PARP6: variants seen among roughly 807,000 people sequenced by gnomAD.
PARP6 encodes the protein poly(ADP-ribose) polymerase family member 6.
A neutral mutation model predicts 92.0 loss-of-function variants in PARP6; 27 were observed. The ratio of observed to expected loss-of-function variants is 0.29; its 90% CI spans 0.22 to 0.40. PARP6 has a LOEUF of 0.40. Ranked by LOEUF, PARP6 falls within the 10% of genes least tolerant of loss-of-function variation. PARP6 has a pLI of 1.00. For synonymous variants in PARP6, 272 were observed against 281.2 expected (o/e 0.97, Z 0.33); for missense variants, 501 against 784.5 (o/e 0.64, Z 4.32).
intron 16 of PARP6, among the ~76,000 whole-genome samples, chr15:72,252,271 AAC>A (rs1355355674): frequency 6.6e-6 from 1 of 152,222 alleles, no homozygotes; most frequent in Non-Finnish European, 1.5e-5. Flanking sequence ...AGTTGAAATT[AAC>A]AGTGTTAATT....
intron 7 of PARP6, 70 bp from the exon 8 acceptor site, chr15:72,264,691 A>G: frequency 8.5e-7 from 1 of 1,174,916 alleles, no homozygotes; most frequent in Non-Finnish European, 1.3e-6. Flanking sequence ...AGCTCAGTGG[A>G]ATAGCTTCCA....
At chr15:72,261,767 A>G (rs956322112) in intron 8 of PARP6, 60 bp from the exon 9 acceptor site, 7 of 1,510,630 alleles carry the variant, frequency 4.6e-6, no homozygotes, top group Non-Finnish European at 6.4e-6. Context: ...AATAAGGACT[A>G]AAGAGAGACA....
chr15:72,252,770 C>T (rs1160066790), intron 16 of PARP6, among the ~76,000 whole-genome samples: 3 of 152,156 alleles, frequency 2.0e-5, no homozygotes, highest in African/African-American at 4.8e-5. Flanking sequence ...CAGGTGTGAG[C>T]CACTGCACCC....
chr15:72,246,898 G>C lies in PARP6; in HGVS notation c.1561+2347C>G, dbSNP rs553502909. ...GCCTCCTGAGTATCTAGGATTACAG[G>C]CATGTGCCACCACGCCTGGCTAATT... is the stretch of plus-strand genomic sequence containing the variant. On this transcript the variant is annotated intron_variant, in intron 20 of 23. Coordinates refer to ENST00000569795, the MANE Select transcript of PARP6 (RefSeq NM_001323532.2). Among the ~76,000 whole-genome samples, 530 of 152,016 alleles carry C rather than the reference G, an allele frequency of 3.5e-3. 2 individuals are homozygous for C. Among genetic ancestry groups the C allele is most frequent in the African/African-American group, 0.012 (509 of 41,418 alleles).
intron 6 of PARP6, 33 bp from the exon 7 acceptor site, chr15:72,265,204 G>T: frequency 1.3e-6 from 2 of 1,492,264 alleles, no homozygotes; most frequent in Non-Finnish European, 1.9e-6. Flanking sequence ...TTCCAGTTTA[G>T]CAACATAGAC....
At chr15:72,268,524 C>G (rs767122534) in intron 2 of PARP6, among the ~76,000 whole-genome samples, 1 of 152,234 alleles carries the variant, frequency 6.6e-6, no homozygotes. Context: ...TGGGGTGAAA[C>G]CCCGTCTCTA....
intron 20 of PARP6, among the ~76,000 whole-genome samples, chr15:72,248,425 T>C (rs1368610482): frequency 1.3e-5 from 2 of 152,008 alleles, no homozygotes; most frequent in Admixed American, 6.6e-5. Context: ...CACTGCAACC[T>C]CCGCCTCCCG....
intron 18 of PARP6, 34 bp downstream of exon 18, chr15:72,250,811 A>AAC: frequency 1.0e-6 from 1 of 957,986 alleles, no homozygotes; most frequent in Non-Finnish European, 1.6e-6. Flanking sequence ...CCGCCCCCTC[A>AAC]CCACCCCCAC....
At chr15:72,260,423 C>A (rs1193831019) in intron 10 of PARP6, 55 bp downstream of exon 10, 1 of 1,416,334 alleles carries the variant, frequency 7.1e-7, no homozygotes, top group African/African-American at 1.4e-5. Context: ...TACACTCCCA[C>A]AGTTCCACTC....
chr15:72,263,813 G>C (rs2086202616), intron 8 of PARP6, among the ~76,000 whole-genome samples: 1 of 152,086 alleles, frequency 6.6e-6, no homozygotes, highest in South Asian at 2.1e-4. Context: ...CTTGAGGCCA[G>C]GAGTTTGGGA....
At position 72,242,522 on chromosome 15, in the gene PARP6, C is replaced by A; in HGVS notation, c.1641+98G>T. 1 of 851,290 alleles carries A rather than the reference C, an allele frequency of 1.2e-6. No individual in the cohort carries two copies. Among genetic ancestry groups the A allele is most frequent in the Non-Finnish European group, 2.0e-6 (1 of 495,748 alleles). 52.7% of individuals were successfully genotyped at this position (851,290 alleles called of 1,614,324 possible). On this transcript the variant is annotated intron_variant, in intron 21 of 23. Transcript: ENST00000569795. The surrounding 1 kb of genome is among the most constrained non-coding windows in gnomAD (Gnocchi z 4.3). ...GACTCCTTTAAATGATCTCAAATCACTCCCCAACCCATTCTCACCCCACTG... is the reference window on the plus strand; with the variant it reads ...GACTCCTTTAAATGATCTCAAATCAATCCCCAACCCATTCTCACCCCACTG...
chr15:72,249,433 C>A, intron 19 of PARP6, 119 bp from the exon 20 acceptor site: 1 of 558,438 alleles, frequency 1.8e-6, no homozygotes, highest in Non-Finnish European at 3.2e-6. Context: ...ATTCAAGTAA[C>A]CCTAAGCACC....
intron 2 of PARP6, among the ~76,000 whole-genome samples, 176 bp downstream of exon 2, chr15:72,270,847 T>G (rs1488974769): frequency 6.6e-6 from 1 of 152,276 alleles, no homozygotes; most frequent in Non-Finnish European, 1.5e-5. Flanking sequence ...GCAGAGGCTT[T>G]GACTGCTTTC....
At position 72,260,428 on chromosome 15, in the gene PARP6, C is replaced by A; in HGVS notation, c.756+50G>T. ...TTTGAGAAACTACACTCCCACAGTT[C>A]CACTCCCACCCTCCTGATAGCCAAG... is the stretch of plus-strand genomic sequence containing the variant. On this transcript the variant is annotated intron_variant, in intron 10 of 23. Transcript: ENST00000569795. 2.1e-6 allele frequency: 3 copies of A among 1,459,498 alleles called. 1 individual carries two copies. In the South Asian group the frequency reaches 3.5e-5, roughly 17 times the overall value. 90.4% of individuals were successfully genotyped at this position (1,459,498 alleles called of 1,614,324 possible). A position where few individuals can be genotyped will look rare whatever the true frequency, so the allele number is the denominator to read the frequency against.
intron 16 of PARP6, among the ~76,000 whole-genome samples, chr15:72,252,109 G>C: frequency 6.6e-6 from 1 of 152,212 alleles, no homozygotes; most frequent in Non-Finnish European, 1.5e-5. Context: ...ATCAGGAATG[G>C]ATGGCAGCAG....
intron 18 of PARP6, chr15:72,250,400 C>A (rs1294377419): frequency 5.8e-6 from 2 of 344,886 alleles, no homozygotes; most frequent in Non-Finnish European, 1.1e-5. Flanking sequence ...ATAAATTCAT[C>A]TGAAAATCAA....
intron 7 of PARP6, among the ~76,000 whole-genome samples, 198 bp from the exon 8 acceptor site, chr15:72,264,819 A>G (rs2086362593): frequency 6.6e-6 from 1 of 152,206 alleles, no homozygotes; most frequent in Admixed American, 6.5e-5. Context: ...TATCCTCAGG[A>G]GGATGTTGAG....
At chr15:72,247,279 T>A (rs2083738698) in intron 20 of PARP6, among the ~76,000 whole-genome samples, 1 of 152,112 alleles carries the variant, frequency 6.6e-6, no homozygotes, top group Non-Finnish European at 1.5e-5. Flanking sequence ...GGCTCAGTGA[T>A]CTTCCTGCCT....
At chr15:72,254,599 T>C (rs2084819486) in intron 14 of PARP6, 79 bp from the exon 15 acceptor site, 1 of 1,111,336 alleles carries the variant, frequency 9.0e-7, no homozygotes, top group Non-Finnish European at 1.4e-6. Flanking sequence ...AGGGGCTAGA[T>C]GTACCAAAAA....
Sources: gnomAD v4.1 joint callset for allele counts (sites outside exome capture counted in the v4.1 genomes callset) on GRCh38, gnomAD v4.1.1 for gene constraint, Gnocchi (gnomAD v3.1) non-coding constraint, MANE v1.5 for transcripts, NCBI Gene and HGNC (gene_info 2026-07-23, HGNC 2026-07-21) for gene names.